NEBL: variants seen among roughly 807,000 people sequenced by gnomAD.
NEBL encodes the protein LIM and SH3 protein 2.
NEBL carries 122 observed loss-of-function variants against 140.2 expected under a neutral mutation model. That is an observed-to-expected ratio of 0.87 (90% confidence interval 0.75 to 1.01). The LOEUF is 1.01. NEBL is among the 50% of genes least tolerant of loss of function. The pLI is 0.00. For synonymous variants in NEBL, 436 were observed against 398.9 expected, an observed-to-expected ratio of 1.09 and a Z score of -1.11; for missense variants, 1,365 against 1,231.3, an observed-to-expected ratio of 1.11 and a Z score of -1.62.
intron 2 of NEBL, among the ~76,000 whole-genome samples, chr10:21,133,699 T>A (rs564965086): frequency 3.3e-5 from 5 of 152,146 alleles, no homozygotes; most frequent in Non-Finnish European, 7.3e-5. Flanking sequence ...ATCATATCAA[T>A]CCTAAGGGAA....
intron 18 of NEBL, among the ~76,000 whole-genome samples, chr10:20,826,238 T>C (rs549659574): frequency 6.0e-4 from 92 of 152,300 alleles, no homozygotes; most frequent in Middle Eastern, 3.4e-3. Flanking sequence ...CATTGTGATA[T>C]ATCAAAATGA....
chr10:20,883,090 CTCTT>C (rs1432468553), intron 4 of NEBL, among the ~76,000 whole-genome samples: 1 of 152,224 alleles, frequency 6.6e-6, no homozygotes, highest in African/African-American at 2.4e-5. Flanking sequence ...ATTTATCAAT[CTCTT>C]TCTTAAGGTG....
At chr10:20,830,774 T>C (rs1268003994) in intron 16 of NEBL, among the ~76,000 whole-genome samples, 1 of 151,330 alleles carries the variant, frequency 6.6e-6, no homozygotes, top group Non-Finnish European at 1.5e-5. Context: ...TAAAATATCC[T>C]TGGGCTGGGC....
intron 2 of NEBL, among the ~76,000 whole-genome samples, chr10:21,163,462 C>A (rs757852098): frequency 6.6e-6 from 1 of 152,172 alleles, no homozygotes; most frequent in Non-Finnish European, 1.5e-5. Context: ...GCCACTCCCA[C>A]GCATTGCCTG....
intron 3 of NEBL, among the ~76,000 whole-genome samples, chr10:20,978,634 C>T (rs889665982): frequency 6.6e-5 from 10 of 151,780 alleles, no homozygotes; most frequent in Middle Eastern, 3.2e-3. Context: ...TGGTGCATGC[C>T]TGTGTTCCCA....
At chr10:20,999,279 G>A (rs1179946307) in intron 3 of NEBL, among the ~76,000 whole-genome samples, 1 of 152,048 alleles carries the variant, frequency 6.6e-6, no homozygotes, top group African/African-American at 2.4e-5. Flanking sequence ...CTGCAGTGAT[G>A]CTATATTCTC....
Position 20,809,656 on chromosome 10 carries a change from G to C in NEBL, c.2611+150C>G, listed in dbSNP as rs201832837. 256 of 660,620 alleles carry C rather than the reference G, an allele frequency of 3.9e-4. 1 individual carries two copies. The East Asian group carries it at 6.9e-3, about 18-fold the overall frequency. 40.9% of individuals were successfully genotyped at this position (660,620 alleles called of 1,614,324 possible). On this transcript the variant is annotated intron_variant, in intron 25 of 27. Transcript: ENST00000377122. ...GTTTTCTTTTCATAAATGACTAATT[G>C]TATTTAAAAGTAGCATAGCATTTTT...
At chr10:21,215,369 T>A (rs900973419) in intron 3 of NEBL, among the ~76,000 whole-genome samples, 15 of 152,166 alleles carry the variant, frequency 9.9e-5, no homozygotes, top group Admixed American at 9.8e-4. Flanking sequence ...CAATGGGCTG[T>A]CTTATTATGG....
chr10:21,015,073 C>T (rs1341594708), intron 3 of NEBL, among the ~76,000 whole-genome samples: 3 of 152,206 alleles, frequency 2.0e-5, no homozygotes, highest in Non-Finnish European at 4.4e-5. Context: ...CCCCAAATCC[C>T]TCTTATTTTC....
At chr10:20,944,897 A>G (rs1448979683) in intron 4 of NEBL, among the ~76,000 whole-genome samples, 3 of 152,214 alleles carry the variant, frequency 2.0e-5, no homozygotes, top group Non-Finnish European at 4.4e-5. Flanking sequence ...ACAGTCAGAC[A>G]TAAGAGGCCA....
chr10:21,014,325 T>G (rs1422569666), intron 3 of NEBL, among the ~76,000 whole-genome samples: 1 of 152,024 alleles, frequency 6.6e-6, no homozygotes, highest in African/African-American at 2.4e-5. Flanking sequence ...TCTCTCCCAC[T>G]AGACCATAAA....
At chr10:20,837,059 CG>C (rs1367241512) in intron 13 of NEBL, among the ~76,000 whole-genome samples, 3 of 151,980 alleles carry the variant, frequency 2.0e-5, no homozygotes, top group Non-Finnish European at 2.9e-5. Flanking sequence ...GAAATTGGGC[CG>C]ATTAGTAACC....
At chr10:20,817,802 A>G in intron 20 of NEBL, 110 bp from the exon 21 acceptor site, 1 of 880,626 alleles carries the variant, frequency 1.1e-6, no homozygotes, top group Non-Finnish European at 1.9e-6. Context: ...TTTTTTCCAC[A>G]GTTGATTACA....
intron 2 of NEBL, among the ~76,000 whole-genome samples, chr10:21,098,041 C>T (rs763569780): frequency 3.9e-5 from 6 of 152,110 alleles, no homozygotes; most frequent in African/African-American, 9.7e-5. Context: ...GTGCTGATAA[C>T]AACAATTATC....
chr10:20,911,285 A>T (rs991975206), intron 4 of NEBL, among the ~76,000 whole-genome samples: 62 of 152,356 alleles, frequency 4.1e-4, no homozygotes, highest in African/African-American at 1.4e-3. Flanking sequence ...CAGGATCCCC[A>T]AACTGAAGTT....
At chr10:20,874,554 C>A (rs954293785) in intron 5 of NEBL, among the ~76,000 whole-genome samples, 8 of 152,110 alleles carry the variant, frequency 5.3e-5, no homozygotes, top group African/African-American at 1.9e-4. Context: ...CAGCCCAGAG[C>A]CCAAAGATGG....
chr10:21,189,541 T>C (rs1377682059), intron 3 of NEBL, among the ~76,000 whole-genome samples: 1 of 152,198 alleles, frequency 6.6e-6, no homozygotes, highest in Non-Finnish European at 1.5e-5. Context: ...CTCTGCTCAC[T>C]GCAAACTCTG....
chr10:21,051,545 C>A (rs1001462214), intron 2 of NEBL, among the ~76,000 whole-genome samples: 1 of 152,038 alleles, frequency 6.6e-6, no homozygotes, highest in African/African-American at 2.4e-5. Flanking sequence ...CAAAGTGTGA[C>A]ACTGCAAGTA....
At chr10:21,013,699 G>GA (rs1275975077) in intron 3 of NEBL, among the ~76,000 whole-genome samples, 2 of 152,152 alleles carry the variant, frequency 1.3e-5, no homozygotes, top group African/African-American at 4.8e-5. Context: ...CCAACATGGT[G>GA]AATCCCCATC....
Sources: allele counts gnomAD v4.1 joint callset (sites outside exome capture counted in the v4.1 genomes callset), GRCh38; gene constraint gnomAD v4.1.1; transcripts MANE v1.5; gene names NCBI Gene and HGNC (gene_info 2026-07-23, HGNC 2026-07-21).